Variants in ATG7 observed in about 807,000 individuals in gnomAD.
ATG7 encodes the protein ubiquitin-like modifier-activating enzyme ATG7.
In ATG7, 70 loss-of-function variants were observed where a neutral mutation model predicts 82.4. The ratio of observed to expected loss-of-function variants is 0.85; its 90% CI spans 0.70 to 1.04. The LOEUF (loss-of-function observed/expected upper bound fraction) is 1.04, where lower values mean the gene tolerates loss of function less well. ATG7 is among the 50% of genes least tolerant of loss of function. ATG7 has a pLI of 0.00. For missense variants in ATG7, 792 were observed against 864.3 expected, an observed-to-expected ratio of 0.92 and a Z score of 1.05; for synonymous variants, 287 against 313.0, an observed-to-expected ratio of 0.92 and a Z score of 0.88.
At chr3:11,352,295 A>G (rs1031090195) in intron 14 of ATG7, among the ~76,000 whole-genome samples, 2 of 152,216 alleles carry the variant, frequency 1.3e-5, no homozygotes, top group Non-Finnish European at 2.9e-5. Flanking sequence ...TATTGTGAAT[A>G]GTGCCGCAAT....
chr3:11,437,165 A>G (rs915077593), intron 20 of ATG7, among the ~76,000 whole-genome samples: 2 of 152,098 alleles, frequency 1.3e-5, no homozygotes, highest in African/African-American at 2.4e-5. Context: ...TCTGCATGCA[A>G]TGTTGATTTT....
At chr3:11,387,198 T>C (rs886840297) in intron 19 of ATG7, among the ~76,000 whole-genome samples, 3 of 152,188 alleles carry the variant, frequency 2.0e-5, no homozygotes, top group East Asian at 1.9e-4. Context: ...ATGGGAGGGA[T>C]TGAATCAGGG....
chr3:11,312,023 G>T (rs1441277370), intron 7 of ATG7, among the ~76,000 whole-genome samples: 1 of 151,222 alleles, frequency 6.6e-6, no homozygotes, highest in Admixed American at 6.6e-5. Flanking sequence ...AGAAGAGGGG[G>T]AATGGGGAGT....
intron 19 of ATG7, among the ~76,000 whole-genome samples, chr3:11,392,438 AGGTGGTT>A (rs2078888614): frequency 6.6e-6 from 1 of 150,548 alleles, no homozygotes; most frequent in Non-Finnish European, 1.5e-5. Flanking sequence ...TACAGAGTCC[AGGTGGTT>A]TTGGGGAAAT....
intron 9 of ATG7, among the ~76,000 whole-genome samples, chr3:11,325,569 G>A (rs949440657): frequency 2.0e-5 from 3 of 152,072 alleles, no homozygotes; most frequent in African/African-American, 7.2e-5. Context: ...TACTCGGGAG[G>A]CTGAGGCAGG....
At chr3:11,498,246 A>G (rs955302541) in intron 20 of ATG7, among the ~76,000 whole-genome samples, 5 of 152,210 alleles carry the variant, frequency 3.3e-5, no homozygotes, top group Non-Finnish European at 7.3e-5. Context: ...ATTTGATTCC[A>G]GTGTGCCCCT....
intron 20 of ATG7, among the ~76,000 whole-genome samples, chr3:11,469,949 A>C (rs1395694360): frequency 7.5e-6 from 1 of 133,036 alleles, no homozygotes; most frequent in East Asian, 2.4e-4. Context: ...AGATTGTGCC[A>C]TTGCTCTCCA....
At chr3:11,566,978 T>A in the ATG7 span, among the ~76,000 whole-genome samples, 1 of 152,076 alleles carries the variant, frequency 6.6e-6, no homozygotes, top group Non-Finnish European at 1.5e-5. Flanking sequence ...CATGGAGAGC[T>A]GGAGGGCTGA....
chr3:11,322,403 G>A (rs989683400), intron 9 of ATG7, among the ~76,000 whole-genome samples: 1 of 152,170 alleles, frequency 6.6e-6, no homozygotes, highest in African/African-American at 2.4e-5. Flanking sequence ...TAAATGAACT[G>A]TACTAGGTGA....
intron 20 of ATG7, among the ~76,000 whole-genome samples, chr3:11,518,993 T>A (rs997298763): frequency 7.2e-5 from 11 of 151,994 alleles, no homozygotes; most frequent in African/African-American, 2.4e-4. Flanking sequence ...AAAAAAAAAA[T>A]CTTATATAAG....
At chr3:11,287,770 C>T (rs1944331198) in intron 3 of ATG7, among the ~76,000 whole-genome samples, 1 of 152,264 alleles carries the variant, frequency 6.6e-6, no homozygotes, top group African/African-American at 2.4e-5. Flanking sequence ...GCAGATGTGG[C>T]CTTAGAATCT....
chr3:11,431,441 A>G (rs1035132045), intron 20 of ATG7, among the ~76,000 whole-genome samples: 1 of 152,206 alleles, frequency 6.6e-6, no homozygotes, highest in South Asian at 2.1e-4. Context: ...TGTGCAGTTC[A>G]GTGGTTTTTA....
chr3:11,564,489 C>T, the ATG7 span, among the ~76,000 whole-genome samples: 1 of 152,142 alleles, frequency 6.6e-6, no homozygotes, highest in Non-Finnish European at 1.5e-5. Context: ...CCTCAGTACA[C>T]CACCCCTGTA....
the ATG7 span, among the ~76,000 whole-genome samples, chr3:11,567,587 T>C: frequency 1.3e-5 from 2 of 152,228 alleles, no homozygotes; most frequent in Non-Finnish European, 2.9e-5. Flanking sequence ...AGCCTGTCCA[T>C]AATGTCATCT....
intron 20 of ATG7, among the ~76,000 whole-genome samples, chr3:11,494,588 A>C (rs2090662099): frequency 6.6e-6 from 1 of 152,206 alleles, no homozygotes; most frequent in South Asian, 2.1e-4. Context: ...AGTTATAGGA[A>C]ATAGTCTTTG....
chr3:11,412,877 AG>A (rs1389139845), intron 19 of ATG7, among the ~76,000 whole-genome samples: 1 of 152,018 alleles, frequency 6.6e-6, no homozygotes, highest in Non-Finnish European at 1.5e-5. Flanking sequence ...CTTTAATTTC[AG>A]CATTGTTTTA....
intron 20 of ATG7, among the ~76,000 whole-genome samples, chr3:11,432,828 AG>A (rs1465932640): frequency 6.6e-6 from 1 of 152,078 alleles, no homozygotes; most frequent in Non-Finnish European, 1.5e-5. Context: ...TTTACTTCCA[AG>A]GCCTTTACTG....
chr3:11,532,730 AAAC>A (rs1403803805), intron 20 of ATG7, among the ~76,000 whole-genome samples: 10 of 152,284 alleles, frequency 6.6e-5, no homozygotes, highest in African/African-American at 2.2e-4. Context: ...GTAAAAAACG[AAAC>A]AACACCAGCT....
chr3:11,523,420 G>A (rs1258146986), intron 20 of ATG7, among the ~76,000 whole-genome samples: 1 of 152,214 alleles, frequency 6.6e-6, no homozygotes. Context: ...GAAGAAACAG[G>A]GAGGATTATT....
Sources: allele counts gnomAD v4.1 joint callset (sites outside exome capture counted in the v4.1 genomes callset), GRCh38; gene constraint gnomAD v4.1.1; transcripts MANE v1.5; gene names NCBI Gene and HGNC (gene_info 2026-07-23, HGNC 2026-07-21).